The following INPP5A variants were observed in gnomAD, a reference collection of about 807,000 sequenced individuals.
INPP5A encodes inositol polyphosphate-5-phosphatase A, also known as 43 kDa inositol polyphosphate 5-phophatase.
Under a neutral mutation model 65.2 loss-of-function variants are expected in INPP5A, and 14 were observed. That is an observed-to-expected ratio of 0.21 (90% CI 0.14 to 0.34). INPP5A has a LOEUF of 0.34. INPP5A is among the 10% of genes least tolerant of loss of function. INPP5A has a pLI of 1.00. For synonymous variants in INPP5A, 207 were observed against 208.3 expected (o/e 0.99, Z 0.05); for missense variants, 431 against 545.6 (o/e 0.79, Z 2.09).
chr10:132,607,879 G>T lies in INPP5A; in HGVS notation c.76-36G>T, dbSNP rs549693853. ...GGCTCTGTTTAGGGCTGTGCCATTG[G>T]TCTGACTGGCTTTTCTTTTTCTTCT... On this transcript the variant is annotated intron_variant, in intron 1 of 15. Coordinates refer to ENST00000368594, the MANE Select transcript of INPP5A (RefSeq NM_005539.5). The T allele has an allele frequency of 8.1e-6, 13 of 1,598,734 alleles. No individual in the cohort carries two copies. The East Asian group carries it at 2.9e-4, about 36-fold the overall frequency.
At chr10:132,580,059 C>G (rs2071463292) in intron 1 of INPP5A, among the ~76,000 whole-genome samples, 1 of 152,028 alleles carries the variant, frequency 6.6e-6, no homozygotes, top group South Asian at 2.1e-4. Flanking sequence ...GCTCCCAGGG[C>G]TGAGTTTTCA....
chr10:132,655,420 T>A (rs2072642901), intron 4 of INPP5A, among the ~76,000 whole-genome samples: 1 of 152,200 alleles, frequency 6.6e-6, no homozygotes, highest in African/African-American at 2.4e-5. Flanking sequence ...GGCGAGGCTT[T>A]CCCGGGCTGC....
intron 9 of INPP5A, among the ~76,000 whole-genome samples, chr10:132,730,565 C>T (rs1226593905): frequency 6.6e-6 from 1 of 152,232 alleles, no homozygotes; most frequent in African/African-American, 2.4e-5. Context: ...CTTGTTAAGA[C>T]AGCGGGTGTG....
At position 132,549,663 on chromosome 10, in the gene INPP5A, C is replaced by T. The variant is rs576305774; in HGVS notation, c.75+11492C>T. On this transcript the variant is annotated intron_variant, in intron 1 of 15. Coordinates refer to ENST00000368594, the MANE Select transcript of INPP5A (RefSeq NM_005539.5). This position sits in a 1 kb window ranked among gnomAD's most constrained non-coding sequence, Gnocchi z 4.9. ...CAGGTGAAGCAGGAGCAGACAGGTG[C>T]GTGTCCTGGAGCTCTGCAGCTGCAG... Among the ~76,000 whole-genome samples, 15 of 152,308 alleles carry T rather than the reference C, an allele frequency of 9.8e-5. No individual in the cohort carries two copies. Among genetic ancestry groups the T allele is most frequent in the East Asian group, 5.8e-4 (3 of 5,172 alleles).
intron 4 of INPP5A, among the ~76,000 whole-genome samples, chr10:132,653,799 C>T (rs2072612551): frequency 6.6e-6 from 1 of 152,246 alleles, no homozygotes; most frequent in South Asian, 2.1e-4. Flanking sequence ...GCACCCGCTG[C>T]AGATCGTACG....
intron 2 of INPP5A, among the ~76,000 whole-genome samples, chr10:132,642,977 C>T (rs1395992915): frequency 6.6e-6 from 1 of 152,154 alleles, no homozygotes; most frequent in African/African-American, 2.4e-5. Flanking sequence ...CAGGTGTTGC[C>T]AGGTCGCTCT....
At chr10:132,780,961 G>A in intron 14 of INPP5A, 44 bp downstream of exon 14, 1 of 1,414,750 alleles carries the variant, frequency 7.1e-7, no homozygotes, top group Non-Finnish European at 9.9e-7. Flanking sequence ...GGGACCAAGG[G>A]GAAGCTAGGG....
intron 1 of INPP5A, among the ~76,000 whole-genome samples, chr10:132,570,364 G>A (rs1286184615): frequency 1.3e-5 from 2 of 152,224 alleles, no homozygotes; most frequent in Non-Finnish European, 2.9e-5. Flanking sequence ...GGGCACCTTC[G>A]TATCCATCAG....
chr10:132,636,016 G>A (rs1048800106), intron 2 of INPP5A, among the ~76,000 whole-genome samples: 23 of 151,060 alleles, frequency 1.5e-4, no homozygotes, highest in African/African-American at 5.4e-4. Flanking sequence ...TATTCAAGTG[G>A]TTGCTAGTTA....
chr10:132,577,752 T>C (rs2071427576), intron 1 of INPP5A, among the ~76,000 whole-genome samples: 1 of 152,218 alleles, frequency 6.6e-6, no homozygotes, highest in African/African-American at 2.4e-5. Flanking sequence ...TTGGGTGTTG[T>C]GGGCAGCGGT....
At chr10:132,766,297 T>C (rs936100428) in intron 12 of INPP5A, among the ~76,000 whole-genome samples, 5 of 152,258 alleles carry the variant, frequency 3.3e-5, no homozygotes, top group African/African-American at 1.2e-4. Context: ...AATTCTGTTA[T>C]CTTTTTCCAA....
At chr10:132,688,871 CAT>C (rs1845201776) in intron 4 of INPP5A, among the ~76,000 whole-genome samples, 1 of 151,088 alleles carries the variant, frequency 6.6e-6, no homozygotes, top group South Asian at 2.1e-4. Context: ...TGAGTTAGTG[CAT>C]GAGTGTATGA....
rs557511108 is a variant in INPP5A at position 132,678,383 on chromosome 10, CTTTGA to C, written c.307-12005_307-12001del. On this transcript the variant is annotated intron_variant, in intron 4 of 15. Coordinates refer to ENST00000368594, the MANE Select transcript of INPP5A (RefSeq NM_005539.5). The surrounding 1 kb of genome is among the most constrained non-coding windows in gnomAD (Gnocchi z 4.1). Reference sequence around the variant, plus strand: ...TCTAATGACTGTTATTATAACTTTGCTTTGATTTATTACTCAATCTGTTAAATTGT... The same window carrying C: ...TCTAATGACTGTTATTATAACTTTGCTTTATTACTCAATCTGTTAAATTGT... Among the ~76,000 whole-genome samples, 32 of 152,262 alleles carry C rather than the reference CTTTGA, an allele frequency of 2.1e-4. No individual in the cohort carries two copies. Among genetic ancestry groups the C allele is most frequent in the Middle Eastern group, 3.4e-3 (1 of 294 alleles).
intron 2 of INPP5A, among the ~76,000 whole-genome samples, chr10:132,613,022 C>T (rs1308520890): frequency 1.3e-5 from 2 of 152,160 alleles, no homozygotes; most frequent in Non-Finnish European, 2.9e-5. Context: ...GGGGAGCAGG[C>T]GGCAAGACCC....
intron 1 of INPP5A, among the ~76,000 whole-genome samples, chr10:132,572,178 G>A (rs931211679): frequency 6.6e-6 from 1 of 152,250 alleles, no homozygotes; most frequent in African/African-American, 2.4e-5. Context: ...TGGCCCAGGT[G>A]TGCCGAGAGG....
chr10:132,777,223 C>T (rs570282171), intron 12 of INPP5A, among the ~76,000 whole-genome samples: 35 of 152,322 alleles, frequency 2.3e-4, no homozygotes, highest in Admixed American at 4.6e-4. Context: ...TTGGTCAAAG[C>T]GGAGACCACG....
chr10:132,578,327 C>A (rs531591267), intron 1 of INPP5A, among the ~76,000 whole-genome samples: 2 of 152,296 alleles, frequency 1.3e-5, no homozygotes, highest in East Asian at 3.9e-4. Context: ...ATCTTTGTAG[C>A]ACAAGCCCGA....
chr10:132,632,115 T>C (rs2072283343), intron 2 of INPP5A, among the ~76,000 whole-genome samples: 1 of 152,214 alleles, frequency 6.6e-6, no homozygotes, highest in Non-Finnish European at 1.5e-5. Flanking sequence ...TTTGCAGCAG[T>C]GTGTTTCCAG....
At chr10:132,607,622 C>T (rs1204433284) in intron 1 of INPP5A, among the ~76,000 whole-genome samples, 1 of 152,256 alleles carries the variant, frequency 6.6e-6, no homozygotes, top group Non-Finnish European at 1.5e-5. Flanking sequence ...CAACACAGAG[C>T]CTTCCCCTCC....
Sources: gnomAD v4.1 joint callset for allele counts (sites outside exome capture counted in the v4.1 genomes callset) on GRCh38, gnomAD v4.1.1 for gene constraint, Gnocchi (gnomAD v3.1) non-coding constraint, MANE v1.5 for transcripts, NCBI Gene and HGNC (gene_info 2026-07-23, HGNC 2026-07-21) for gene names.